Variants in TMEM245 observed in about 807,000 individuals in gnomAD.
TMEM245 encodes the protein transmembrane protein 245.
Under a neutral mutation model 101.2 loss-of-function variants are expected in TMEM245, and 69 were observed. The ratio of observed to expected loss-of-function variants is 0.68; its 90% CI spans 0.56 to 0.83. TMEM245 has a LOEUF of 0.83. Among genes scored for constraint, TMEM245 ranks in the 40% least tolerant of loss-of-function variants. The pLI is 0.00. For missense variants in TMEM245, 1,075 were observed against 1,092.8 expected, an observed-to-expected ratio of 0.98 and a Z score of 0.23; for synonymous variants, 537 against 449.8, an observed-to-expected ratio of 1.19 and a Z score of -2.45.
intron 3 of TMEM245, among the ~76,000 whole-genome samples, chr9:109,096,514 A>G (rs144869227): frequency 4.9e-4 from 74 of 152,286 alleles, no homozygotes; most frequent in African/African-American, 1.7e-3. Flanking sequence ...ACTTTGTCTC[A>G]AAAATAAAAA....
At chr9:109,066,015 GA>G in intron 9 of TMEM245, among the ~76,000 whole-genome samples, 1 of 152,170 alleles carries the variant, frequency 6.6e-6, no homozygotes, top group Middle Eastern at 3.4e-3. Context: ...TCTTTAACCA[GA>G]AAAAAATAAG....
intron 3 of TMEM245, among the ~76,000 whole-genome samples, chr9:109,099,758 T>C (rs1830237168): frequency 6.6e-6 from 1 of 152,174 alleles, no homozygotes; most frequent in South Asian, 2.1e-4. Context: ...CCAGGTGCTA[T>C]GGTTTGAGTG....
In TMEM245 at chr9:109,032,826, TTA is replaced by T. The variant is rs1491141356; in HGVS notation, c.2594+479_2594+480del. 1.4e-3 allele frequency among the ~76,000 whole-genome samples: 193 copies of T among 133,352 alleles called. 4 individuals carry two copies. The South Asian group carries it at 0.018, about 13-fold the overall frequency. The allele number at this position is 133,352 out of a possible 152,430, so 87.5% of individuals were successfully genotyped here. A position where few individuals can be genotyped will look rare whatever the true frequency, so the allele number is the denominator to read the frequency against. ...ATAGGTCTTTTTTTTTTTTTTTTTT[TTA>T]TATGCTGTTGCCCAGGCTAGAGTCC... On this transcript the variant is annotated intron_variant, in intron 17 of 17. Coordinates refer to ENST00000374586, the MANE Select transcript of TMEM245 (RefSeq NM_032012.4).
At chr9:109,068,503 T>A (rs1334900021) in intron 9 of TMEM245, among the ~76,000 whole-genome samples, 1 of 151,624 alleles carries the variant, frequency 6.6e-6, no homozygotes, top group African/African-American at 2.4e-5. Flanking sequence ...TAGCCAGGCA[T>A]GGTAGTGCGT....
chr9:109,093,388 T>G, intron 4 of TMEM245, 87 bp downstream of exon 4: 1 of 1,100,870 alleles, frequency 9.1e-7, no homozygotes, highest in Non-Finnish European at 1.3e-6. Flanking sequence ...GTAAGTAGCA[T>G]TTTGTGATGC....
intron 14 of TMEM245, among the ~76,000 whole-genome samples, chr9:109,044,855 G>A (rs1211629070): frequency 1.3e-5 from 2 of 151,576 alleles, no homozygotes; most frequent in Admixed American, 6.6e-5. Context: ...CACCACCTGG[G>A]TTCAAGAGAT....
intron 1 of TMEM245, among the ~76,000 whole-genome samples, chr9:109,111,032 T>A (rs775730137): frequency 6.7e-6 from 1 of 150,138 alleles, no homozygotes; most frequent in Non-Finnish European, 1.5e-5. Flanking sequence ...GGAAAGGAAA[T>A]AGAAATCACA....
intron 1 of TMEM245, among the ~76,000 whole-genome samples, chr9:109,118,011 G>C (rs1017556641): frequency 2.6e-5 from 4 of 152,228 alleles, no homozygotes; most frequent in Non-Finnish European, 4.4e-5. Context: ...GTGTGACTTT[G>C]GACCAATCAC....
chr9:109,019,210 A>G lies in TMEM245; in HGVS notation c.*1250T>C, dbSNP rs1381772442. On this transcript the variant is annotated 3_prime_UTR_variant, in exon 18 of 18. Coordinates refer to ENST00000374586, the MANE Select transcript of TMEM245 (RefSeq NM_032012.4). ...TCACAACAAATGGATAGCAACACCA[A>G]TCTCGTAACACTGGGAAAACTGCAT... is the stretch of plus-strand genomic sequence containing the variant. The G allele has an allele frequency of 3.3e-5, 5 of 152,170 alleles. No homozygotes were observed. Among genetic ancestry groups the G allele is most frequent in the African/African-American group, 1.2e-4 (5 of 41,432 alleles). 9.4% of individuals were successfully genotyped at this position (152,170 alleles called of 1,614,324 possible). A position where few individuals can be genotyped will look rare whatever the true frequency, so the allele number is the denominator to read the frequency against.
rs1467689948 is a variant in TMEM245 at position 109,018,438 on chromosome 9, A to G, written c.*2022T>C. 1 of 152,218 alleles carries G rather than the reference A, an allele frequency of 6.6e-6. No homozygotes were observed. The highest frequency in any genetic ancestry group is 1.5e-5 in the Non-Finnish European group (1 of 68,030). 9.4% of individuals were successfully genotyped at this position (152,218 alleles called of 1,614,324 possible). ...AGTGAATGAATGAATGATTGACTAA[A>G]GAAAAACATGAGTTACTTAGTGACC... On this transcript the variant is annotated 3_prime_UTR_variant, in exon 18 of 18. Coordinates refer to ENST00000374586, the MANE Select transcript of TMEM245 (RefSeq NM_032012.4).
At chr9:109,036,154 A>C (rs923974188) in intron 16 of TMEM245, 52 bp downstream of exon 16, 2 of 1,466,106 alleles carry the variant, frequency 1.4e-6, no homozygotes, top group Non-Finnish European at 1.8e-6. Context: ...AAAAAAAAAA[A>C]AACGGAAATG....
Position 109,020,147 on chromosome 9 carries a change from TAAC to T in TMEM245, c.*310_*312del, listed in dbSNP as rs1827575310. On this transcript the variant is annotated 3_prime_UTR_variant, in exon 18 of 18. Coordinates refer to ENST00000374586, the MANE Select transcript of TMEM245 (RefSeq NM_032012.4). Reference sequence around the variant, plus strand: ...ATAACTTTATAAATATATAATATAGTAACATAGATAACCAAAGTGGAAAAATTT... The same window carrying T: ...ATAACTTTATAAATATATAATATAGTATAGATAACCAAAGTGGAAAAATTT... The T allele has an allele frequency of 3.6e-6, 1 of 274,418 alleles. No individual in the cohort carries two copies. Among genetic ancestry groups the T allele is most frequent in the Non-Finnish European group, 7.1e-6 (1 of 141,306 alleles). The allele number at this position is 274,418 out of a possible 1,614,324, so 17.0% of individuals were successfully genotyped here. A position where few individuals can be genotyped will look rare whatever the true frequency, so the allele number is the denominator to read the frequency against.
At chr9:109,031,180 A>C (rs1194955657) in intron 17 of TMEM245, among the ~76,000 whole-genome samples, 1 of 152,242 alleles carries the variant, frequency 6.6e-6, no homozygotes, top group Non-Finnish European at 1.5e-5. Context: ...CCTAAACTTA[A>C]AACCAGATGT....
At chr9:109,027,866 G>C (rs1827833954) in intron 17 of TMEM245, among the ~76,000 whole-genome samples, 1 of 151,862 alleles carries the variant, frequency 6.6e-6, no homozygotes, top group African/African-American at 2.4e-5. Context: ...ATTCTTAGTA[G>C]AGACAGTGTT....
intron 10 of TMEM245, among the ~76,000 whole-genome samples, chr9:109,061,674 T>G (rs1465721277): frequency 1.3e-5 from 2 of 151,918 alleles, no homozygotes; most frequent in African/African-American, 4.8e-5. Context: ...GTTCGAGCAA[T>G]TCTCCTGTCT....
At position 109,119,834 on chromosome 9, in the gene TMEM245, A is replaced by G. The variant is rs1210660729; in HGVS notation, c.80T>C (p.Val27Ala). The change falls in exon 1 of 18, where the codon GTC becomes GCC. Residue 27 changes from valine (V) to alanine (A), a missense_variant. Coordinates refer to ENST00000374586, the MANE Select transcript of TMEM245 (RefSeq NM_032012.4). ...PGPAPRVPRA[V>A]GPSGGGGETP... ...CTCCCCGCCACCGCCACTCGGCCCGACCGCGCGCGGGACCCGCGGCGCCGG... is the reference window on the plus strand; with the variant it reads ...CTCCCCGCCACCGCCACTCGGCCCGGCCGCGCGCGGGACCCGCGGCGCCGG... 260 of 1,354,042 alleles carry G rather than the reference A, an allele frequency of 1.9e-4. 3 individuals carry two copies. In the East Asian group the frequency reaches 7.9e-3, roughly 41 times the overall value. The allele number at this position is 1,354,042 out of a possible 1,614,324, so 83.9% of individuals were successfully genotyped here. A position where few individuals can be genotyped will look rare whatever the true frequency, so the allele number is the denominator to read the frequency against.
chr9:109,054,091 G>C (rs2132406160), intron 12 of TMEM245, among the ~76,000 whole-genome samples: 1 of 152,300 alleles, frequency 6.6e-6, no homozygotes, highest in South Asian at 2.1e-4. Flanking sequence ...AGCACTTTGG[G>C]AGGCCGAGGT....
At chr9:109,066,550 A>C (rs546635510) in intron 9 of TMEM245, among the ~76,000 whole-genome samples, 1 of 152,046 alleles carries the variant, frequency 6.6e-6, no homozygotes, top group South Asian at 2.1e-4. Context: ...ATAAGCATAT[A>C]AACAGGAAAT....
At chr9:109,055,925 C>T (rs539374857) in intron 12 of TMEM245, among the ~76,000 whole-genome samples, 8 of 152,144 alleles carry the variant, frequency 5.3e-5, no homozygotes, top group Admixed American at 3.3e-4. Context: ...TAAGCCACCA[C>T]GCCCGGCCTC....
Sources: allele counts gnomAD v4.1 joint callset (sites outside exome capture counted in the v4.1 genomes callset), GRCh38; gene constraint gnomAD v4.1.1; transcripts MANE v1.5; gene names NCBI Gene and HGNC (gene_info 2026-07-23, HGNC 2026-07-21).